DLG2: variants seen among roughly 807,000 people sequenced by gnomAD.
DLG2 encodes disks large homolog 2.
DLG2 carries 45 observed loss-of-function variants against 132.5 expected under a neutral mutation model. That is an observed-to-expected ratio of 0.34 (90% CI 0.27 to 0.44). DLG2 has a LOEUF of 0.44. Among genes scored for constraint, DLG2 ranks in the 20% least tolerant of loss-of-function variants. DLG2 has a pLI of 1.00. For missense variants in DLG2, 1,045 were observed against 1,196.9 expected (o/e 0.87, Z 1.87); for synonymous variants, 424 against 419.6 (o/e 1.01, Z -0.13).
intron 7 of DLG2, among the ~76,000 whole-genome samples, chr11:84,308,122 C>A (rs1460473097): frequency 3.9e-5 from 6 of 152,260 alleles, no homozygotes; most frequent in African/African-American, 1.4e-4. Flanking sequence ...TGCTTTTATT[C>A]TCTTATCTGG....
intron 6 of DLG2, among the ~76,000 whole-genome samples, chr11:84,677,939 T>C (rs113059605): frequency 1.1e-4 from 17 of 152,016 alleles, no homozygotes; most frequent in African/African-American, 3.9e-4. Flanking sequence ...AAATTGCATA[T>C]AGAACAATAT....
intron 4 of DLG2, among the ~76,000 whole-genome samples, chr11:85,156,287 ATGTT>A (rs1334508241): frequency 2.0e-5 from 3 of 152,168 alleles, no homozygotes; most frequent in Non-Finnish European, 2.9e-5. Flanking sequence ...GTGTTTATGT[ATGTT>A]TATCTGTCCC....
intron 18 of DLG2, among the ~76,000 whole-genome samples, chr11:83,686,796 TACA>T (rs1434925774): frequency 6.6e-6 from 1 of 152,196 alleles, no homozygotes; most frequent in African/African-American, 2.4e-5. Flanking sequence ...ATGACTTTGA[TACA>T]ACAATTCCAG....
chr11:84,396,357 C>G (rs532243123), intron 7 of DLG2, among the ~76,000 whole-genome samples: 2 of 152,084 alleles, frequency 1.3e-5, no homozygotes, highest in Admixed American at 1.3e-4. Context: ...TTAACCATAT[C>G]TTCAGAGGAA....
chr11:85,297,659 G>C (rs1341643635), intron 3 of DLG2, among the ~76,000 whole-genome samples: 1 of 151,074 alleles, frequency 6.6e-6, no homozygotes, highest in Non-Finnish European at 1.5e-5. Context: ...TTCCCTTCCT[G>C]AACAATTCAG....
At chr11:84,662,096 G>A (rs574064509) in intron 6 of DLG2, among the ~76,000 whole-genome samples, 1 of 151,990 alleles carries the variant, frequency 6.6e-6, no homozygotes, top group Non-Finnish European at 1.5e-5. Context: ...GAAGTAGAGG[G>A]CCAGCTCCTC....
chr11:84,817,677 T>G (rs897984564), intron 6 of DLG2, among the ~76,000 whole-genome samples: 1 of 151,992 alleles, frequency 6.6e-6, no homozygotes, highest in Non-Finnish European at 1.5e-5. Context: ...TTCTCTACAG[T>G]AATTTGCTAG....
At chr11:84,930,789 T>C (rs985067204) in intron 6 of DLG2, among the ~76,000 whole-genome samples, 1 of 152,144 alleles carries the variant, frequency 6.6e-6, no homozygotes, top group Non-Finnish European at 1.5e-5. Context: ...TGTGCAAGAC[T>C]TTCCCATCTA....
At chr11:85,458,515 C>T (rs1483625018) in intron 3 of DLG2, among the ~76,000 whole-genome samples, 1 of 152,090 alleles carries the variant, frequency 6.6e-6, no homozygotes, top group African/African-American at 2.4e-5. Flanking sequence ...TTTTGAGTTG[C>T]CAGAGTTCTC....
chr11:84,473,001 A>G (rs191816164), intron 7 of DLG2, among the ~76,000 whole-genome samples: 5 of 152,206 alleles, frequency 3.3e-5, no homozygotes, highest in Non-Finnish European at 5.9e-5. Flanking sequence ...CCCAACATAG[A>G]GTGGCAGTAA....
At chr11:84,843,563 A>ACACC (rs1394852266) in intron 6 of DLG2, among the ~76,000 whole-genome samples, 2 of 151,958 alleles carry the variant, frequency 1.3e-5, no homozygotes. Flanking sequence ...TGGTTCCAGG[A>ACACC]ACCCTCCCAG....
intron 7 of DLG2, among the ~76,000 whole-genome samples, chr11:84,321,910 ATCTT>A (rs923708351): frequency 1.3e-5 from 2 of 152,194 alleles, no homozygotes; most frequent in Non-Finnish European, 2.9e-5. Context: ...AGCTCATGTC[ATCTT>A]TCCATTAAAC....
intron 3 of DLG2, among the ~76,000 whole-genome samples, chr11:85,494,717 CA>C (rs1192057746): frequency 6.6e-6 from 1 of 151,246 alleles, no homozygotes; most frequent in Non-Finnish European, 1.5e-5. Flanking sequence ...AGCACATTTG[CA>C]AAAGAAACCA....
At chr11:85,340,736 T>C (rs1196650864) in intron 3 of DLG2, among the ~76,000 whole-genome samples, 1 of 152,200 alleles carries the variant, frequency 6.6e-6, no homozygotes, top group Non-Finnish European at 1.5e-5. Flanking sequence ...GTCCTTAATT[T>C]TGTTTATGGT....
chr11:84,864,559 T>G (rs982256280), intron 6 of DLG2, among the ~76,000 whole-genome samples: 3 of 152,192 alleles, frequency 2.0e-5, no homozygotes, highest in Admixed American at 2.0e-4. Context: ...ACCCACTGTA[T>G]TCTTTATAAG....
At chr11:84,325,793 A>G (rs550705545) in intron 7 of DLG2, among the ~76,000 whole-genome samples, 2 of 152,016 alleles carry the variant, frequency 1.3e-5, no homozygotes, top group African/African-American at 4.8e-5. Flanking sequence ...CTTCCTCTTC[A>G]ATATTTTGGA....
Position 85,147,786 on chromosome 11 carries a change from T to C in DLG2, c.282+6770A>G, listed in dbSNP as rs191600895. Among the ~76,000 whole-genome samples, 312 of 152,308 alleles carry C rather than the reference T, an allele frequency of 2.0e-3. 1 individual carries two copies. The highest frequency in any genetic ancestry group is 7.2e-3 in the African/African-American group (301 of 41,566). The stretch of plus-strand genomic sequence containing the variant: ...TATGTTCCAGGATACAGACGCAGAA[T>C]GTGCAGATTTGTTACATAGGTATAC... On this transcript the variant is annotated intron_variant, in intron 5 of 27. Coordinates refer to ENST00000376104, the MANE Select transcript of DLG2 (RefSeq NM_001142699.3).
chr11:84,375,211 A>G (rs2098724107), intron 7 of DLG2, among the ~76,000 whole-genome samples: 2 of 152,156 alleles, frequency 1.3e-5, no homozygotes, highest in East Asian at 1.9e-4. Context: ...CTCCAAAGAG[A>G]CTGAGTTCTT....
chr11:84,182,710 A>G (rs1169581014), intron 8 of DLG2, among the ~76,000 whole-genome samples: 1 of 152,150 alleles, frequency 6.6e-6, no homozygotes, highest in Non-Finnish European at 1.5e-5. Flanking sequence ...AGGAAGGGCA[A>G]ATTAAATCCA....
Sources: allele counts gnomAD v4.1 joint callset (sites outside exome capture counted in the v4.1 genomes callset), GRCh38; gene constraint gnomAD v4.1.1; transcripts MANE v1.5; gene names NCBI Gene and HGNC (gene_info 2026-07-23, HGNC 2026-07-21).